The following PLAC8 variants were observed in gnomAD, a reference collection of about 807,000 sequenced individuals.
PLAC8 encodes placenta-specific gene 8 protein.
In PLAC8, 6 loss-of-function variants were observed where a neutral mutation model predicts 12.6. The observed-to-expected ratio is 0.48, with a 90% confidence interval of 0.26 to 0.94. PLAC8 has a LOEUF of 0.94. Ranked by LOEUF, PLAC8 falls within the 40% of genes least tolerant of loss-of-function variation. The pLI is 0.14. For synonymous variants in PLAC8, 54 were observed against 52.6 expected, an observed-to-expected ratio of 1.03 and a Z score of -0.11; for missense variants, 122 against 152.7, an observed-to-expected ratio of 0.80 and a Z score of 1.06.
chr4:83,091,198 C>G (rs1231827104), intron 4 of PLAC8, among the ~76,000 whole-genome samples: 2 of 152,122 alleles, frequency 1.3e-5, no homozygotes, highest in Non-Finnish European at 2.9e-5. Flanking sequence ...CTAATCAAAG[C>G]CCATACTACC....
At chr4:83,099,310 T>C (rs1207942157) in intron 3 of PLAC8, among the ~76,000 whole-genome samples, 1 of 152,066 alleles carries the variant, frequency 6.6e-6, no homozygotes, top group Non-Finnish European at 1.5e-5. Flanking sequence ...GCTCACTGCA[T>C]TTACAAATTG....
At chr4:83,101,400 C>T (rs533782398) in intron 3 of PLAC8, among the ~76,000 whole-genome samples, 2 of 152,114 alleles carry the variant, frequency 1.3e-5, no homozygotes, top group East Asian at 3.9e-4. Flanking sequence ...ACAAAAACAA[C>T]AACAAAAAAG....
chr4:83,096,855 T>G (rs1248197416), intron 3 of PLAC8, among the ~76,000 whole-genome samples: 1 of 152,220 alleles, frequency 6.6e-6, no homozygotes, highest in Non-Finnish European at 1.5e-5. Flanking sequence ...TCTTTTGGTT[T>G]CCACCATCCA....
In PLAC8 at chr4:83,101,436, C is replaced by T. The variant is rs531842379; in HGVS notation, c.243+3460G>A. Reference sequence around the variant, plus strand: ...AAAGCTGCAAAAGAAAAGTCTGAAGCTAAAAGAGGTTGCTTCATGAGGTTT... The same window carrying T: ...AAAGCTGCAAAAGAAAAGTCTGAAGTTAAAAGAGGTTGCTTCATGAGGTTT... On this transcript the variant is annotated intron_variant, in intron 3 of 4. Transcript: ENST00000311507. Among the ~76,000 whole-genome samples the T allele has an allele frequency of 2.2e-4, 33 of 152,212 alleles. No individual in the cohort carries two copies. The South Asian group carries it at 6.8e-3, about 32-fold the overall frequency.
chr4:83,095,546 G>A (rs1046665467), intron 3 of PLAC8, among the ~76,000 whole-genome samples: 1 of 152,148 alleles, frequency 6.6e-6, no homozygotes, highest in African/African-American at 2.4e-5. Flanking sequence ...ACTGAATATG[G>A]AATTAACCAT....
intron 1 of PLAC8, among the ~76,000 whole-genome samples, chr4:83,114,104 CATA>C (rs2126145213): frequency 6.6e-6 from 1 of 151,924 alleles, no homozygotes; most frequent in Admixed American, 6.6e-5. Context: ...ATTTCCATTT[CATA>C]ATCTCTCCAT....
intron 1 of PLAC8, among the ~76,000 whole-genome samples, chr4:83,112,951 A>G (rs1732458309): frequency 1.3e-5 from 2 of 152,204 alleles, no homozygotes; most frequent in African/African-American, 4.8e-5. Context: ...TCCTTAGTTC[A>G]GTGGTCCTCA....
rs569067452 is a variant in PLAC8, at chr4:83,113,271, C to T, written c.-30+1395G>A. Among the ~76,000 whole-genome samples, 5 of 152,264 alleles carry T rather than the reference C, an allele frequency of 3.3e-5. No individual in the cohort carries two copies. The East Asian group carries it at 9.6e-4, about 29-fold the overall frequency. On this transcript the variant is annotated intron_variant, in intron 1 of 4. Coordinates refer to ENST00000311507, the MANE Select transcript of PLAC8 (RefSeq NM_016619.3). ...TTCGGTGAGAATTCGAAAAACGGTACACCTTCCTCCATGCGATGAAGCCCA... is the reference window on the plus strand; with the variant it reads ...TTCGGTGAGAATTCGAAAAACGGTATACCTTCCTCCATGCGATGAAGCCCA...
intron 4 of PLAC8, among the ~76,000 whole-genome samples, chr4:83,091,581 C>T (rs940766836): frequency 1.3e-5 from 2 of 152,200 alleles, no homozygotes; most frequent in Non-Finnish European, 2.9e-5. Context: ...CAGGTTTCTC[C>T]ATTGTGGAGT....
Position 83,108,367 on chromosome 4 carries a change from C to T in PLAC8, c.-29-417G>A, listed in dbSNP as rs551381781. Among the ~76,000 whole-genome samples, 136 of 152,138 alleles carry T rather than the reference C, an allele frequency of 8.9e-4. 1 individual carries two copies. Among genetic ancestry groups the T allele is most frequent in the African/African-American group, 3.2e-3 (132 of 41,516 alleles). ...CGGCACTTTGGGAGGCCGAGGCCGA[C>T]GGATCATTTGAGGTCAGGAATTCGA... On this transcript the variant is annotated intron_variant, in intron 1 of 4. Transcript: ENST00000311507.
chr4:83,104,985 A>G lies in PLAC8; in HGVS notation c.154T>C (p.Cys52Arg). The G allele has an allele frequency of 6.2e-7, 1 of 1,614,086 alleles. No homozygotes were observed. The highest frequency in any genetic ancestry group is 8.5e-7 in the Non-Finnish European group (1 of 1,180,014). Residue 52 changes from cysteine (C) to arginine (R), a missense_variant, in exon 3 of 5, where the codon TGT becomes CGT. Physicochemically the swap from Cys to Arg is radical, Grantham distance 180 (BLOSUM62 -3). Transcript: ENST00000311507. ...CGTFCFPCLG[C>R]QVAADMNECC... The stretch of plus-strand genomic sequence containing the variant: ...TCATTCATATCAGCTGCAACTTGAC[A>G]CCCAAGGCACGGGAAACAAAATGTG...
chr4:83,112,095 A>G (rs1024528648), intron 1 of PLAC8, among the ~76,000 whole-genome samples: 8 of 151,086 alleles, frequency 5.3e-5, no homozygotes, highest in African/African-American at 1.9e-4. Context: ...AATCGCTTGA[A>G]CCCAGGAGGT....
chr4:83,097,952 G>T (rs962865435), intron 3 of PLAC8, among the ~76,000 whole-genome samples: 1 of 144,334 alleles, frequency 6.9e-6, no homozygotes, highest in Non-Finnish European at 1.5e-5. Flanking sequence ...TCCGCCTCCC[G>T]GGTTCAAGTG....
chr4:83,106,719 A>G (rs562778245), intron 2 of PLAC8, among the ~76,000 whole-genome samples: 1 of 152,306 alleles, frequency 6.6e-6, no homozygotes, highest in East Asian at 1.9e-4. Context: ...TTAGAGTACT[A>G]TGTGGACCAA....
At chr4:83,092,815 T>G (rs1331202957) in intron 4 of PLAC8, 2 of 137,256 alleles carry the variant, frequency 1.5e-5, no homozygotes, top group Non-Finnish European at 3.1e-5. Flanking sequence ...TTTTCCTTTT[T>G]TTTTTTTTTT....
At chr4:83,104,452 A>G (rs1372034441) in intron 3 of PLAC8, among the ~76,000 whole-genome samples, 1 of 152,212 alleles carries the variant, frequency 6.6e-6, no homozygotes, top group Non-Finnish European at 1.5e-5. Flanking sequence ...GGTGTAATGG[A>G]AAGTGTATGA....
At chr4:83,111,471 T>C (rs1247120981) in intron 1 of PLAC8, among the ~76,000 whole-genome samples, 1 of 147,416 alleles carries the variant, frequency 6.8e-6, no homozygotes, top group Non-Finnish European at 1.5e-5. Flanking sequence ...GAGACTCTTA[T>C]CTCCAAAAAA....
intron 2 of PLAC8, among the ~76,000 whole-genome samples, 185 bp downstream of exon 2, chr4:83,107,619 G>GGTTTTT (rs1732283820): frequency 8.5e-5 from 1 of 11,832 alleles, no homozygotes; most frequent in Non-Finnish European, 3.8e-4. Flanking sequence ...CCATACGGAG[G>GGTTTTT]CTTTTTTTTT....
intron 3 of PLAC8, among the ~76,000 whole-genome samples, chr4:83,103,785 C>T (rs1301532743): frequency 6.6e-6 from 1 of 152,186 alleles, no homozygotes; most frequent in Non-Finnish European, 1.5e-5. Flanking sequence ...TCTCCTGCCT[C>T]AGCCTCCCAA....
Sources: gnomAD v4.1 joint callset for allele counts (sites outside exome capture counted in the v4.1 genomes callset) on GRCh38, gnomAD v4.1.1 for gene constraint, MANE v1.5 for transcripts, NCBI Gene and HGNC (gene_info 2026-07-23, HGNC 2026-07-21) for gene names.